The following GDPD1 variants were observed in gnomAD, a reference collection of about 807,000 sequenced individuals.
The protein encoded by GDPD1 is glycerophosphodiester phosphodiesterase domain containing 1, also known as lysophospholipase D GDPD1.
Under a neutral mutation model 45.1 loss-of-function variants are expected in GDPD1, and 28 were observed. That is an observed-to-expected ratio of 0.62 (90% CI 0.46 to 0.85). GDPD1 has a LOEUF of 0.85. Among genes scored for constraint, GDPD1 ranks in the 40% least tolerant of loss-of-function variants. The pLI, the probability that GDPD1 is intolerant of heterozygous loss-of-function variation, is 0.00. For synonymous variants in GDPD1, 139 were observed against 131.4 expected (o/e 1.06, Z -0.40); for missense variants, 256 against 364.8 (o/e 0.70, Z 2.43).
chr17:59,257,990 A>ACG, intron 6 of GDPD1, 150 bp downstream of exon 6: 4 of 441,280 alleles, frequency 9.1e-6, no homozygotes, highest in South Asian at 2.7e-5. Context: ...GCAGTGGTGC[A>ACG]ATCATAGCTC....
rs181912576 is a variant in GDPD1 at position 59,256,272 on chromosome 17, G to A, written c.368-850G>A. Among the ~76,000 whole-genome samples, 11 of 152,000 alleles carry A rather than the reference G, an allele frequency of 7.2e-5. No homozygotes were observed. In the South Asian group the frequency reaches 8.3e-4, roughly 11 times the overall value. On this transcript the variant is annotated intron_variant, in intron 4 of 9. Transcript: ENST00000284116. The stretch of plus-strand genomic sequence containing the variant: ...GCAGAGGTTGCAGTGAGCTGAGATC[G>A]TGTCACTGCACTCCAGTCTGGGCGA...
At position 59,255,211 on chromosome 17, in the gene GDPD1, T is replaced by C. The variant is rs188042637; in HGVS notation, c.368-1911T>C. Among the ~76,000 whole-genome samples, 342 of 152,202 alleles carry C rather than the reference T, an allele frequency of 2.2e-3. 1 individual carries two copies. Among genetic ancestry groups the C allele is most frequent in the Admixed American group, 3.7e-3 (57 of 15,264 alleles). ...CACCATTTTGTTATTTGCAGATTAG[T>C]GGAATTGAAGGTTCAGACGGAAGCA... On this transcript the variant is annotated intron_variant, in intron 4 of 9. Transcript: ENST00000284116.
Position 59,245,540 on chromosome 17 carries a change from CA to C in GDPD1, c.315del (p.Lys105AsnfsTer32), listed in dbSNP as rs1454735345. ...TGVNVNISDL[K>X]YCELPPYLGK... ...GGGTCAATGTAAACATCTCTGATCT[CA>C]AATACTGTGTAAGTAAAAATGCATG... On this transcript the variant is annotated frameshift_variant, in exon 3 of 10. Coordinates refer to ENST00000284116, the MANE Select transcript of GDPD1 (RefSeq NM_182569.4). LOFTEE classifies it high-confidence loss of function. 1 of 1,605,222 alleles carries C rather than the reference CA, an allele frequency of 6.2e-7. No individual in the cohort carries two copies. Among genetic ancestry groups the C allele is most frequent in the Non-Finnish European group, 8.5e-7 (1 of 1,175,432 alleles).
Position 59,274,557 on chromosome 17 carries a change from A to C in GDPD1, c.*784A>C, listed in dbSNP as rs2047467511. 1 of 144,622 alleles carries C rather than the reference A, an allele frequency of 6.9e-6. No individual in the cohort carries two copies. Among genetic ancestry groups the C allele is most frequent in the South Asian group, 2.2e-4 (1 of 4,548 alleles). The allele number at this position is 144,622 out of a possible 1,614,324, so 9.0% of individuals were successfully genotyped here. A position where few individuals can be genotyped will look rare whatever the true frequency, so the allele number is the denominator to read the frequency against. ...AAAAATGGGAGGCCGAGGCGGGCGG[A>C]TCACGAGGTCAGGAGATCGAGACCA... On this transcript the variant is annotated 3_prime_UTR_variant, in exon 10 of 10. Transcript: ENST00000284116.
At chr17:59,244,959 G>A (rs1354554389) in intron 2 of GDPD1, among the ~76,000 whole-genome samples, 8 of 152,090 alleles carry the variant, frequency 5.3e-5, no homozygotes, top group Non-Finnish European at 7.4e-5. Context: ...TCATGCCATT[G>A]CACTCCAGCC....
chr17:59,245,550 G>GT lies in GDPD1; in HGVS notation c.321+2dup. ...AAACATCTCTGATCTCAAATACTGT[G>GT]TAAGTAAAAATGCATGATAAACTAA... On this transcript the variant is annotated splice_donor_variant, in intron 3 of 9. Coordinates refer to ENST00000284116, the MANE Select transcript of GDPD1 (RefSeq NM_182569.4). LOFTEE classifies it high-confidence loss of function. 6.3e-7 allele frequency: 1 copy of GT among 1,598,252 alleles called. No individual in the cohort carries two copies. Among genetic ancestry groups the GT allele is most frequent in the Non-Finnish European group, 8.5e-7 (1 of 1,173,254 alleles).
At chr17:59,259,073 A>G (rs2047331786) in intron 6 of GDPD1, among the ~76,000 whole-genome samples, 1 of 150,982 alleles carries the variant, frequency 6.6e-6, no homozygotes, top group Admixed American at 6.6e-5. Flanking sequence ...AGGGGTGAAG[A>G]TTGCTTGAGG....
chr17:59,257,225 T>C lies in GDPD1; in HGVS notation c.471T>C (p.Asn157=). 2 of 1,579,830 alleles carry C rather than the reference T, an allele frequency of 1.3e-6. No individual in the cohort carries two copies. Among genetic ancestry groups the C allele is most frequent in the Non-Finnish European group, 8.6e-7 (1 of 1,159,120 alleles). Residue 157 remains asparagine, a synonymous_variant, in exon 5 of 10, where the codon AAT becomes AAC. Coordinates refer to ENST00000284116, the MANE Select transcript of GDPD1 (RefSeq NM_182569.4). Reference sequence around the variant, plus strand: ...ACATCGATATCAAAGTCAACAACAATGTGCTGATTAAGAAGGTACTCAAGG... The same window carrying C: ...ACATCGATATCAAAGTCAACAACAACGTGCTGATTAAGAAGGTACTCAAGG... ...PINIDIKVNN[N]VLIKKVSELV... is the part of the protein sequence containing the mutation.
intron 1 of GDPD1, among the ~76,000 whole-genome samples, chr17:59,230,422 G>T (rs2047080513): frequency 9.9e-6 from 1 of 100,840 alleles, no homozygotes; most frequent in Admixed American, 1.5e-4. Context: ...TGCTCTTGTT[G>T]CCCAGGCTGG....
In GDPD1 at chr17:59,275,339, C is replaced by A; in HGVS notation, c.*1566C>A. 3.1e-6 allele frequency: 2 copies of A among 645,364 alleles called. No homozygotes were observed. Among genetic ancestry groups the A allele is most frequent in the Non-Finnish European group, 5.3e-6 (2 of 380,082 alleles). The allele number at this position is 645,364 out of a possible 1,614,324, so 40.0% of individuals were successfully genotyped here. A position where few individuals can be genotyped will look rare whatever the true frequency, so the allele number is the denominator to read the frequency against. ...TTGATTAGTTGATCAGAAATAAAAT[C>A]TGTAGAGTGAATTAGATTTCTGAGT... On this transcript the variant is annotated 3_prime_UTR_variant, in exon 10 of 10. Transcript: ENST00000284116.
chr17:59,220,689 C>A lies in GDPD1; in HGVS notation c.80C>A (p.Pro27Gln). The change falls in exon 1 of 10, where the codon CCG (proline) becomes CAG (glutamine). Residue 27 changes from proline (P) to glutamine (Q), a missense_variant. By Grantham distance (76) the Pro-to-Gln change is moderately conservative. Coordinates refer to ENST00000284116, the MANE Select transcript of GDPD1 (RefSeq NM_182569.4). ...LVTSFLLLKY[P>Q]TLLHQRKKQR... Reference sequence around the variant, plus strand: ...ACCTCATTCTTGTTGCTTAAATACCCGACCTTGCTGCACCAGAGAAAGAAG... The same window carrying A: ...ACCTCATTCTTGTTGCTTAAATACCAGACCTTGCTGCACCAGAGAAAGAAG... 6.2e-7 allele frequency: 1 copy of A among 1,614,158 alleles called. No individual in the cohort carries two copies. The highest frequency in any genetic ancestry group is 8.5e-7 in the Non-Finnish European group (1 of 1,180,000).
intron 2 of GDPD1, among the ~76,000 whole-genome samples, chr17:59,241,152 C>G (rs2047172395): frequency 6.6e-6 from 1 of 152,150 alleles, no homozygotes; most frequent in Non-Finnish European, 1.5e-5. Context: ...GATGTCCGCA[C>G]AATGACAAAA....
intron 6 of GDPD1, among the ~76,000 whole-genome samples, chr17:59,264,065 C>G (rs1387320533): frequency 6.6e-6 from 1 of 152,172 alleles, no homozygotes; most frequent in East Asian, 1.9e-4. Flanking sequence ...GTGGTGCAAT[C>G]TTGGCTCACC....
At chr17:59,272,263 G>A (rs931700485) in intron 8 of GDPD1, among the ~76,000 whole-genome samples, 1 of 152,180 alleles carries the variant, frequency 6.6e-6, no homozygotes, top group African/African-American at 2.4e-5. Context: ...TCACTTATCA[G>A]TGAGTTACTT....
chr17:59,254,869 A>G (rs2047284329), intron 4 of GDPD1, among the ~76,000 whole-genome samples: 1 of 152,118 alleles, frequency 6.6e-6, no homozygotes, highest in Non-Finnish European at 1.5e-5. Context: ...TGATCCGTTC[A>G]GCAAAGGATT....
chr17:59,246,077 G>C (rs548169360), intron 3 of GDPD1, among the ~76,000 whole-genome samples: 1 of 151,160 alleles, frequency 6.6e-6, no homozygotes, highest in Non-Finnish European at 1.5e-5. Context: ...CCAAGATTGC[G>C]CCACTGCACT....
At chr17:59,245,354 A>G in intron 2 of GDPD1, 60 bp from the exon 3 acceptor site, 1 of 1,390,326 alleles carries the variant, frequency 7.2e-7, no homozygotes, top group Non-Finnish European at 1.0e-6. Flanking sequence ...GTTAGATCTC[A>G]TGCATGTAAC....
In GDPD1 at chr17:59,272,826, G is replaced by A. The variant is rs745893247; in HGVS notation, c.812G>A (p.Arg271Gln). ...RKALFDHLTA[R>Q]GIQVYIWVLN... is the part of the protein sequence containing the mutation. Reference sequence around the variant, plus strand: ...GCTTTGTTTGACCACCTAACTGCTCGAGGCATTCAAGTAAGTTTCTGGAAT... The same window carrying A: ...GCTTTGTTTGACCACCTAACTGCTCAAGGCATTCAAGTAAGTTTCTGGAAT... The change falls in exon 9 of 10, where the codon CGA (arginine) becomes CAA (glutamine). Residue 271 changes from arginine (R) to glutamine (Q), a missense_variant. Arg to Gln is a conservative substitution (Grantham distance 43). Coordinates refer to ENST00000284116, the MANE Select transcript of GDPD1 (RefSeq NM_182569.4). The A allele has an allele frequency of 5.6e-6, 9 of 1,613,790 alleles. No homozygotes were observed. The highest frequency in any genetic ancestry group is 3.3e-5 in the South Asian group (3 of 91,060).
chr17:59,263,957 T>C (rs1261621624), intron 6 of GDPD1, among the ~76,000 whole-genome samples: 1 of 152,180 alleles, frequency 6.6e-6, no homozygotes, highest in Non-Finnish European at 1.5e-5. Flanking sequence ...TTTCTTTTAG[T>C]GCTGTGGTTC....
Sources: allele counts gnomAD v4.1 joint callset (sites outside exome capture counted in the v4.1 genomes callset), GRCh38; gene constraint gnomAD v4.1.1; transcripts MANE v1.5; gene names NCBI Gene and HGNC (gene_info 2026-07-23, HGNC 2026-07-21).